Variants in MSRA observed in about 807,000 individuals in gnomAD.
The protein encoded by MSRA is methionine sulfoxide reductase A.
Under a neutral mutation model 31.3 loss-of-function variants are expected in MSRA, and 54 were observed. The ratio of observed to expected loss-of-function variants is 1.73; its 90% confidence interval spans 1.39 to 2.17. MSRA has a LOEUF of 2.17. MSRA is among the 30% of genes most tolerant of loss of function. The probability of loss-of-function intolerance (pLI) is 0.00; values close to 1 mark genes in which losing one functional copy is unlikely to be tolerated. For synonymous variants in MSRA, 169 were observed against 116.5 expected (o/e 1.45, Z -2.90); for missense variants, 507 against 300.9 (o/e 1.69, Z -5.07).
intron 5 of MSRA, among the ~76,000 whole-genome samples, chr8:10,324,208 C>G (rs1019532670): frequency 3.0e-4 from 45 of 152,338 alleles, no homozygotes; most frequent in African/African-American, 1.0e-3. Flanking sequence ...TCCTCAGTGG[C>G]TAGTGTGACT....
chr8:10,172,429 G>C (rs1447365489), intron 1 of MSRA, among the ~76,000 whole-genome samples: 1 of 152,024 alleles, frequency 6.6e-6, no homozygotes, highest in African/African-American at 2.4e-5. Flanking sequence ...GTCCAGCTGT[G>C]GTCAGTGGAA....
At chr8:10,344,501 G>A (rs939019157) in intron 5 of MSRA, among the ~76,000 whole-genome samples, 2 of 150,420 alleles carry the variant, frequency 1.3e-5, no homozygotes, top group African/African-American at 4.9e-5. Context: ...TTGAACCTGG[G>A]AGGCGGAGAT....
At chr8:10,103,918 C>A (rs1469417959) in intron 1 of MSRA, among the ~76,000 whole-genome samples, 2 of 151,944 alleles carry the variant, frequency 1.3e-5, no homozygotes, top group African/African-American at 4.8e-5. Context: ...AGAACACTTT[C>A]ATGCACATTT....
intron 1 of MSRA, among the ~76,000 whole-genome samples, chr8:10,097,253 C>G (rs999895193): frequency 6.6e-6 from 1 of 152,082 alleles, no homozygotes; most frequent in African/African-American, 2.4e-5. Flanking sequence ...TTTAATTAAT[C>G]AACATTTTGA....
intron 5 of MSRA, among the ~76,000 whole-genome samples, chr8:10,392,067 T>G (rs969032036): frequency 6.6e-6 from 1 of 152,162 alleles, no homozygotes; most frequent in Non-Finnish European, 1.5e-5. Flanking sequence ...TTGGTGGACC[T>G]CAGCCTCCCC....
At chr8:10,152,252 T>G (rs1803749205) in intron 1 of MSRA, among the ~76,000 whole-genome samples, 1 of 152,198 alleles carries the variant, frequency 6.6e-6, no homozygotes, top group Non-Finnish European at 1.5e-5. Flanking sequence ...AAAACATATA[T>G]AAACACATGT....
chr8:10,176,236 A>C (rs1333662220), intron 1 of MSRA, among the ~76,000 whole-genome samples: 5 of 152,224 alleles, frequency 3.3e-5, no homozygotes, highest in Admixed American at 2.0e-4. Flanking sequence ...GTTTCAGGAG[A>C]GCCTGCCTGT....
chr8:10,353,552 G>A (rs12679609), intron 5 of MSRA: 61,975 of 454,678 alleles, frequency 0.14, 4,680 homozygotes, highest in Middle Eastern at 0.18. Flanking sequence ...TGACGTTTCT[G>A]TAACGAGATG....
intron 5 of MSRA, among the ~76,000 whole-genome samples, chr8:10,382,570 A>G (rs1341232637): frequency 6.6e-6 from 1 of 152,220 alleles, no homozygotes; most frequent in Non-Finnish European, 1.5e-5. Context: ...AGAGTTGTAA[A>G]GGTGGTGCCA....
intron 3 of MSRA, among the ~76,000 whole-genome samples, chr8:10,290,436 T>G (rs1038847486): frequency 2.6e-5 from 4 of 151,880 alleles, no homozygotes; most frequent in African/African-American, 4.8e-5. Context: ...TCTGAGACTT[T>G]GTTGAAAAAA....
chr8:10,127,760 A>T (rs191640310), intron 1 of MSRA, among the ~76,000 whole-genome samples: 14 of 152,360 alleles, frequency 9.2e-5, no homozygotes, highest in Admixed American at 3.3e-4. Context: ...AGAAATAGGT[A>T]ATTTTAAAAT....
intron 4 of MSRA, among the ~76,000 whole-genome samples, chr8:10,304,203 C>T (rs1801002678): frequency 6.6e-6 from 1 of 152,222 alleles, no homozygotes; most frequent in South Asian, 2.1e-4. Context: ...TCCCAAAGTG[C>T]TGGGATTGCA....
At chr8:10,238,430 C>G (rs1812133196) in intron 2 of MSRA, among the ~76,000 whole-genome samples, 2 of 152,178 alleles carry the variant, frequency 1.3e-5, no homozygotes, top group South Asian at 4.1e-4. Flanking sequence ...AGAGTATACA[C>G]ACTAAACAGG....
At chr8:10,180,061 C>T (rs1806402065) in intron 1 of MSRA, among the ~76,000 whole-genome samples, 1 of 152,168 alleles carries the variant, frequency 6.6e-6, no homozygotes, top group South Asian at 2.1e-4. Context: ...TTAGACCCCA[C>T]AGCTTAAGGG....
intron 5 of MSRA, among the ~76,000 whole-genome samples, chr8:10,370,383 C>G (rs1352863895): frequency 1.3e-5 from 2 of 152,192 alleles, no homozygotes; most frequent in East Asian, 1.9e-4. Context: ...TACATGGTGG[C>G]ATAGCATACG....
At chr8:10,356,837 C>G (rs937667982) in intron 5 of MSRA, among the ~76,000 whole-genome samples, 2 of 144,556 alleles carry the variant, frequency 1.4e-5, no homozygotes, top group African/African-American at 2.6e-5. Flanking sequence ...GCAGCCCGAA[C>G]AGATCAACAC....
At chr8:10,366,083 G>A (rs1194241056) in intron 5 of MSRA, among the ~76,000 whole-genome samples, 1 of 152,220 alleles carries the variant, frequency 6.6e-6, no homozygotes, top group Non-Finnish European at 1.5e-5. Flanking sequence ...GGGGGCCTGT[G>A]ATGTTTACTG....
intron 3 of MSRA, among the ~76,000 whole-genome samples, chr8:10,298,412 G>C (rs1183961472): frequency 6.6e-6 from 1 of 152,174 alleles, no homozygotes; most frequent in Non-Finnish European, 1.5e-5. Context: ...GAAGTCCCTA[G>C]AGAAGTAAAA....
intron 2 of MSRA, among the ~76,000 whole-genome samples, chr8:10,237,317 G>T (rs2952240): frequency 0.69 from 105,196 of 152,180 alleles, 37,513 homozygotes; most frequent in Middle Eastern, 0.81. Flanking sequence ...GCTACTGTCC[G>T]GGGAAAATCA....
Sources: gnomAD v4.1 joint callset for allele counts (sites outside exome capture counted in the v4.1 genomes callset) on GRCh38, gnomAD v4.1.1 for gene constraint, MANE v1.5 for transcripts, NCBI Gene and HGNC (gene_info 2026-07-23, HGNC 2026-07-21) for gene names.